Variants in ASTN2 observed in about 807,000 individuals in gnomAD.
ASTN2 encodes astrotactin 2.
Under a neutral mutation model 139.8 loss-of-function variants are expected in ASTN2, and 54 were observed. The observed-to-expected ratio is 0.39, with a 90% confidence interval of 0.31 to 0.48. ASTN2 has a LOEUF of 0.48. Ranked by LOEUF, ASTN2 falls within the 20% of genes least tolerant of loss-of-function variation. The pLI is 0.95. For synonymous variants in ASTN2, 756 were observed against 719.5 expected (o/e 1.05, Z -0.81); for missense variants, 1,565 against 1,725.1 (o/e 0.91, Z 1.64).
chr9:117,224,853 G>T (rs960203035), intron 2 of ASTN2, among the ~76,000 whole-genome samples: 6 of 152,044 alleles, frequency 3.9e-5, no homozygotes, highest in African/African-American at 1.4e-4. Context: ...TTCTGACTGG[G>T]TTAAGTACCA....
intron 5 of ASTN2, among the ~76,000 whole-genome samples, chr9:117,076,983 C>G (rs1334024882): frequency 1.3e-5 from 2 of 152,106 alleles, no homozygotes. Context: ...GACAGTGAAG[C>G]AGCACTTTTA....
intron 1 of ASTN2, among the ~76,000 whole-genome samples, chr9:117,401,361 G>C (rs1327372173): frequency 1.3e-5 from 2 of 152,134 alleles, no homozygotes; most frequent in Non-Finnish European, 2.9e-5. Context: ...GGTGTATAAG[G>C]GTGCTACTTT....
intron 13 of ASTN2, among the ~76,000 whole-genome samples, chr9:116,748,202 T>A (rs1829298934): frequency 6.6e-6 from 1 of 152,166 alleles, no homozygotes; most frequent in Admixed American, 6.5e-5. Flanking sequence ...TAAATGAGAT[T>A]CAGAGAGGAA....
chr9:116,714,568 T>C (rs879802612), intron 16 of ASTN2, among the ~76,000 whole-genome samples: 3 of 152,176 alleles, frequency 2.0e-5, no homozygotes, highest in Non-Finnish European at 2.9e-5. Context: ...TAAGCATAAT[T>C]ATACCCATGT....
At chr9:116,839,620 C>T (rs1285133247) in intron 11 of ASTN2, among the ~76,000 whole-genome samples, 1 of 151,874 alleles carries the variant, frequency 6.6e-6, no homozygotes, top group Non-Finnish European at 1.5e-5. Flanking sequence ...GCTGGAATTA[C>T]AGTTGCTGGA....
chr9:116,965,596 C>G (rs1835990409), intron 10 of ASTN2, among the ~76,000 whole-genome samples: 1 of 152,166 alleles, frequency 6.6e-6, no homozygotes, highest in South Asian at 2.1e-4. Context: ...AGAGGAAAAA[C>G]AGAATCCTAA....
At chr9:117,358,959 A>T (rs2130892212) in intron 1 of ASTN2, among the ~76,000 whole-genome samples, 1 of 152,224 alleles carries the variant, frequency 6.6e-6, no homozygotes, top group East Asian at 1.9e-4. Context: ...GTTGATCTCC[A>T]ACATCGGTGA....
intron 2 of ASTN2, among the ~76,000 whole-genome samples, chr9:117,281,688 C>T (rs1190234238): frequency 1.3e-5 from 2 of 152,130 alleles, no homozygotes; most frequent in African/African-American, 4.8e-5. Flanking sequence ...GGGACACACG[C>T]CCTGACTCTC....
intron 11 of ASTN2, among the ~76,000 whole-genome samples, chr9:116,823,020 T>A (rs111880511): frequency 6.6e-6 from 1 of 152,292 alleles, no homozygotes; most frequent in Non-Finnish European, 1.5e-5. Flanking sequence ...AACCGATCGA[T>A]GCTGAGGCCA....
intron 2 of ASTN2, among the ~76,000 whole-genome samples, chr9:117,254,619 A>C (rs554134421): frequency 6.6e-6 from 1 of 152,346 alleles, no homozygotes; most frequent in African/African-American, 2.4e-5. Context: ...GTGGCATTTA[A>C]ATTATGTCCC....
chr9:116,475,689 C>G (rs1791488413), intron 20 of ASTN2, among the ~76,000 whole-genome samples: 2 of 152,308 alleles, frequency 1.3e-5, no homozygotes, highest in Non-Finnish European at 2.9e-5. Flanking sequence ...CCTCGGGGAC[C>G]TGCTTCCTCT....
At chr9:116,820,844 C>T in intron 11 of ASTN2, 61 bp from the exon 12 acceptor site, 1 of 1,496,662 alleles carries the variant, frequency 6.7e-7, no homozygotes, top group African/African-American at 1.4e-5. Flanking sequence ...CCCATCACAC[C>T]CTCTCCTCCC....
intron 5 of ASTN2, among the ~76,000 whole-genome samples, chr9:117,046,171 T>C (rs549782845): frequency 6.6e-6 from 1 of 152,106 alleles, no homozygotes; most frequent in South Asian, 2.1e-4. Flanking sequence ...TGGCTAATTT[T>C]TGTATTTTTA....
intron 3 of ASTN2, among the ~76,000 whole-genome samples, chr9:117,153,167 TA>T (rs1198848602): frequency 3.3e-5 from 5 of 151,800 alleles, no homozygotes; most frequent in Non-Finnish European, 5.9e-5. Context: ...AAGCATCACA[TA>T]TTTCTACTCC....
At chr9:116,679,486 T>C (rs1859705918) in intron 16 of ASTN2, among the ~76,000 whole-genome samples, 1 of 152,152 alleles carries the variant, frequency 6.6e-6, no homozygotes, top group South Asian at 2.1e-4. Context: ...TGACTTAGTA[T>C]ATGTTATCAG....
At chr9:116,529,357 T>C (rs1587943074) in intron 19 of ASTN2, among the ~76,000 whole-genome samples, 1 of 152,096 alleles carries the variant, frequency 6.6e-6, no homozygotes, top group African/African-American at 2.4e-5. Context: ...CTGTAGCCCC[T>C]TTGTTTTGGC....
chr9:116,535,169 G>C (rs1171996623), intron 19 of ASTN2, among the ~76,000 whole-genome samples: 3 of 152,152 alleles, frequency 2.0e-5, no homozygotes, highest in African/African-American at 7.2e-5. Context: ...TTTTATCAGA[G>C]TCTAGGATTG....
intron 5 of ASTN2, among the ~76,000 whole-genome samples, chr9:117,088,173 C>T (rs1828616529): frequency 1.3e-5 from 2 of 152,130 alleles, no homozygotes; most frequent in Admixed American, 1.3e-4. Flanking sequence ...ATGAGGTAAG[C>T]CCTTGGTCAG....
chr9:116,450,522 T>C (rs1848142121), intron 20 of ASTN2, among the ~76,000 whole-genome samples: 1 of 152,098 alleles, frequency 6.6e-6, no homozygotes, highest in African/African-American at 2.4e-5. Flanking sequence ...AGACTCCAGT[T>C]TGAGTAATAA....
Sources: gnomAD v4.1 joint callset for allele counts (sites outside exome capture counted in the v4.1 genomes callset) on GRCh38, gnomAD v4.1.1 for gene constraint, MANE v1.5 for transcripts, NCBI Gene and HGNC (gene_info 2026-07-23, HGNC 2026-07-21) for gene names.